CACNA2D1: variants seen among roughly 807,000 people sequenced by gnomAD.
CACNA2D1 encodes voltage-dependent calcium channel subunit alpha-2/delta-1.
Under a neutral mutation model 171.5 loss-of-function variants are expected in CACNA2D1, and 53 were observed. The observed-to-expected ratio is 0.31, with a 90% CI of 0.25 to 0.39. The LOEUF is 0.39. CACNA2D1 is among the 10% of genes least tolerant of loss of function. The probability of loss-of-function intolerance (pLI) is 1.00; values close to 1 mark genes in which losing one functional copy is unlikely to be tolerated. For synonymous variants in CACNA2D1, 442 were observed against 443.1 expected, an observed-to-expected ratio of 1.00 and a Z score of 0.03; for missense variants, 903 against 1,299.8, an observed-to-expected ratio of 0.69 and a Z score of 4.69.
At chr7:82,092,848 T>A (rs945543068) in intron 6 of CACNA2D1, among the ~76,000 whole-genome samples, 1 of 152,048 alleles carries the variant, frequency 6.6e-6, no homozygotes, top group Non-Finnish European at 1.5e-5. Flanking sequence ...ACCCTAAAGA[T>A]CTTTCATTTA....
In CACNA2D1 at chr7:82,072,308, T is replaced by C. The variant is rs112486733; in HGVS notation, c.659-5784A>G. Among the ~76,000 whole-genome samples, 555 of 152,204 alleles carry C rather than the reference T, an allele frequency of 3.6e-3. 2 individuals carry two copies. Among genetic ancestry groups the C allele is most frequent in the African/African-American group, 0.013 (523 of 41,556 alleles). On this transcript the variant is annotated intron_variant, in intron 7 of 38. Coordinates refer to ENST00000356860, the MANE Select transcript of CACNA2D1 (RefSeq NM_000722.4). The stretch of plus-strand genomic sequence containing the variant: ...ACCCTTATGTGATTATTAGACATTA[T>C]ATGCTTGTATCAAAATTATATACCT...
intron 3 of CACNA2D1, among the ~76,000 whole-genome samples, chr7:82,303,452 T>TAAA (rs573316819): frequency 4.1e-5 from 5 of 122,382 alleles, no homozygotes; most frequent in African/African-American, 6.1e-5. Context: ...TGTATGTAAC[T>TAAA]AAAAAAAAAA....
At chr7:82,004,209 T>C (rs999065023) in intron 18 of CACNA2D1, among the ~76,000 whole-genome samples, 1 of 152,142 alleles carries the variant, frequency 6.6e-6, no homozygotes, top group South Asian at 2.1e-4. Flanking sequence ...TAGCCAAACA[T>C]AAATTACTCT....
chr7:81,999,422 G>T (rs1798367673), intron 18 of CACNA2D1, among the ~76,000 whole-genome samples: 1 of 152,044 alleles, frequency 6.6e-6, no homozygotes, highest in Non-Finnish European at 1.5e-5. Flanking sequence ...TTTCTCATTT[G>T]CAAAATTTGG....
intron 4 of CACNA2D1, among the ~76,000 whole-genome samples, chr7:82,157,991 T>C (rs1195326149): frequency 6.6e-6 from 1 of 151,892 alleles, no homozygotes; most frequent in Non-Finnish European, 1.5e-5. Context: ...TAAACATATA[T>C]GTTTACATAT....
chr7:82,303,452 T>TAAAAAAAAAAAAAAAAA (rs573316819), intron 3 of CACNA2D1, among the ~76,000 whole-genome samples: 1 of 122,374 alleles, frequency 8.2e-6, no homozygotes, highest in South Asian at 2.5e-4. Context: ...TGTATGTAAC[T>TAAAAAAAAAAAAAAAAA]AAAAAAAAAA....
At chr7:82,358,450 T>A (rs1820705320) in intron 1 of CACNA2D1, among the ~76,000 whole-genome samples, 1 of 152,190 alleles carries the variant, frequency 6.6e-6, no homozygotes. Flanking sequence ...TTATTCTCAA[T>A]TTAAACCATT....
At chr7:82,397,175 C>G (rs1447999241) in intron 1 of CACNA2D1, among the ~76,000 whole-genome samples, 1 of 152,128 alleles carries the variant, frequency 6.6e-6, no homozygotes, top group Non-Finnish European at 1.5e-5. Flanking sequence ...AGGATTCTGG[C>G]TTTTGTTTAT....
chr7:82,099,751 A>C (rs897777578), intron 6 of CACNA2D1, among the ~76,000 whole-genome samples: 1 of 152,018 alleles, frequency 6.6e-6, no homozygotes, highest in Non-Finnish European at 1.5e-5. Context: ...GCCCGGCCGC[A>C]ATACCTTCTT....
At chr7:82,076,722 C>G (rs1229902271) in intron 7 of CACNA2D1, among the ~76,000 whole-genome samples, 1 of 152,084 alleles carries the variant, frequency 6.6e-6, no homozygotes, top group Non-Finnish European at 1.5e-5. Context: ...GTTTGTGGTA[C>G]TTTGCCTACA....
At chr7:82,299,640 A>G (rs1812757384) in intron 3 of CACNA2D1, among the ~76,000 whole-genome samples, 1 of 151,780 alleles carries the variant, frequency 6.6e-6, no homozygotes, top group Non-Finnish European at 1.5e-5. Flanking sequence ...AGCCTAGGCA[A>G]CAGAGCAAGA....
rs1472407309 is a variant in CACNA2D1, at chr7:81,949,584, A to G, written c.*808T>C. On this transcript the variant is annotated 3_prime_UTR_variant, in exon 39 of 39. Coordinates refer to ENST00000356860, the MANE Select transcript of CACNA2D1 (RefSeq NM_000722.4). ...CAAGCTTTTCTTAGAGCATTTTTAA[A>G]TATCTGGCTAGCACTACATAACTGT... 2 of 152,098 alleles carry G rather than the reference A, an allele frequency of 1.3e-5. No individual in the cohort carries two copies. The highest frequency in any genetic ancestry group is 4.8e-5 in the African/African-American group (2 of 41,418). 9.4% of individuals were successfully genotyped at this position (152,098 alleles called of 1,614,324 possible).
chr7:82,439,940 G>A (rs1318799873), intron 1 of CACNA2D1, among the ~76,000 whole-genome samples: 2 of 151,664 alleles, frequency 1.3e-5, no homozygotes, highest in Non-Finnish European at 3.0e-5. Flanking sequence ...GACTTCAAGT[G>A]AGAATAATTA....
At chr7:82,243,256 C>T (rs1804529718) in intron 3 of CACNA2D1, among the ~76,000 whole-genome samples, 1 of 152,114 alleles carries the variant, frequency 6.6e-6, no homozygotes, top group Non-Finnish European at 1.5e-5. Context: ...GCTCCACTAT[C>T]CCACCCTTCA....
Position 81,969,375 on chromosome 7 carries a change from T to C in CACNA2D1, c.2309-402A>G, listed in dbSNP as rs888480625. 5.3e-5 allele frequency among the ~76,000 whole-genome samples: 8 copies of C among 151,430 alleles called. No individual in the cohort carries two copies. The East Asian group carries it at 1.4e-3, about 26-fold the overall frequency. ...CACTGGGCAAAACTTTGAAATTCTC[T>C]GAACTTGTTTCCCCATTTAGGAAAA... On this transcript the variant is annotated intron_variant, in intron 28 of 38. Coordinates refer to ENST00000356860, the MANE Select transcript of CACNA2D1 (RefSeq NM_000722.4).
intron 6 of CACNA2D1, among the ~76,000 whole-genome samples, chr7:82,109,586 A>T (rs1413969725): frequency 6.6e-6 from 1 of 151,870 alleles, no homozygotes; most frequent in Non-Finnish European, 1.5e-5. Flanking sequence ...TACCATGGTA[A>T]CAATGAAACT....
intron 1 of CACNA2D1, chr7:82,410,472 G>A (rs1827524746): frequency 1.5e-5 from 15 of 979,448 alleles, no homozygotes; most frequent in Non-Finnish European, 1.8e-5. Flanking sequence ...AAAAACTAAC[G>A]CATGTTAACA....
chr7:82,363,254 C>CTTTTTTTTTCTTTTTTTTTTT (rs1821288933), intron 1 of CACNA2D1, among the ~76,000 whole-genome samples: 1 of 63,420 alleles, frequency 1.6e-5, no homozygotes, highest in African/African-American at 8.4e-5. Context: ...TTATTTGTCT[C>CTTTTTTTTTCTTTTTTTTTTT]TTTTTTTTTT....
chr7:82,159,955 A>T (rs1051796952), intron 4 of CACNA2D1, among the ~76,000 whole-genome samples: 4 of 146,868 alleles, frequency 2.7e-5, no homozygotes, highest in East Asian at 2.0e-4. Flanking sequence ...CAGAAACATT[A>T]TATCTCTGAA....
Sources: allele counts gnomAD v4.1 joint callset (sites outside exome capture counted in the v4.1 genomes callset), GRCh38; gene constraint gnomAD v4.1.1; transcripts MANE v1.5; gene names NCBI Gene and HGNC (gene_info 2026-07-23, HGNC 2026-07-21).